ARID1B: variants seen among roughly 807,000 people sequenced by gnomAD.
The protein encoded by ARID1B is AT-rich interaction domain 1B, also known as AT-rich interactive domain-containing protein 1B.
A neutral mutation model predicts 212.3 loss-of-function variants in ARID1B; 30 were observed. The observed-to-expected ratio is 0.14, with a 90% confidence interval of 0.11 to 0.19. The LOEUF is 0.19. Ranked by LOEUF, ARID1B falls within the 10% of genes least tolerant of loss-of-function variation. The pLI, the probability that ARID1B is intolerant of heterozygous loss-of-function variation, is 1.00. For missense variants in ARID1B, 2,891 were observed against 3,204.0 expected, an observed-to-expected ratio of 0.90 and a Z score of 2.36; for synonymous variants, 1,402 against 1,301.7, an observed-to-expected ratio of 1.08 and a Z score of -1.66.
At chr6:157,007,743 T>TCC (rs1235960413) in intron 4 of ARID1B, among the ~76,000 whole-genome samples, 2 of 131,394 alleles carry the variant, frequency 1.5e-5, no homozygotes, top group African/African-American at 5.3e-5. Flanking sequence ...TTTTTTTTTT[T>TCC]CCCCAAGACA....
At chr6:157,060,279 A>G (rs776432376) in intron 4 of ARID1B, among the ~76,000 whole-genome samples, 26 of 152,350 alleles carry the variant, frequency 1.7e-4, no homozygotes, top group Non-Finnish European at 3.2e-4. Context: ...ATGGTAAAGC[A>G]GAGAGTGTTC....
intron 5 of ARID1B, among the ~76,000 whole-genome samples, chr6:157,096,499 C>T (rs1004146853): frequency 5.3e-5 from 8 of 152,226 alleles, no homozygotes; most frequent in African/African-American, 1.9e-4. Flanking sequence ...CACAAGTGTG[C>T]TTGCCGAATA....
Position 157,184,215 on chromosome 6 carries a change from C to G in ARID1B, c.3715-16C>G, listed in dbSNP as rs1471298151. Reference sequence around the variant, plus strand: ...ACTTTGTTGCAAACCAATGATCCTGCCGTGTTTTTCACTAGGTTAATAAAA... The same window carrying G: ...ACTTTGTTGCAAACCAATGATCCTGGCGTGTTTTTCACTAGGTTAATAAAA... On this transcript the variant is annotated splice_polypyrimidine_tract_variant and intron_variant, in intron 12 of 19. Transcript: ENST00000636930. 6.3e-7 allele frequency: 1 copy of G among 1,591,444 alleles called. No individual in the cohort carries two copies. Among genetic ancestry groups the G allele is most frequent in the Non-Finnish European group, 8.6e-7 (1 of 1,165,892 alleles).
chr6:156,874,153 C>G (rs1023120158), intron 2 of ARID1B, among the ~76,000 whole-genome samples: 1 of 152,194 alleles, frequency 6.6e-6, no homozygotes, highest in African/African-American at 2.4e-5. Context: ...CTCACTGCAG[C>G]CTCAACCTCC....
At chr6:156,942,893 G>T (rs557829260) in intron 4 of ARID1B, 2 of 152,316 alleles carry the variant, frequency 1.3e-5, no homozygotes, top group African/African-American at 4.8e-5. Context: ...TTTTCACTTC[G>T]CAGGTAACTC....
chr6:157,045,752 TTTTA>T (rs1162251381), intron 4 of ARID1B, among the ~76,000 whole-genome samples: 2 of 152,234 alleles, frequency 1.3e-5, no homozygotes, highest in Non-Finnish European at 2.9e-5. Context: ...TTTTAATCTT[TTTTA>T]TTTAATTAAA....
intron 15 of ARID1B, 23 bp from the exon 16 acceptor site, chr6:157,196,142 G>A (rs2128355749): frequency 6.2e-7 from 1 of 1,610,790 alleles, no homozygotes; most frequent in East Asian, 2.2e-5. Context: ...CTAAATGTAT[G>A]CATTTTATTT....
intron 1 of ARID1B, among the ~76,000 whole-genome samples, chr6:156,819,285 G>T (rs1235471628): frequency 6.6e-6 from 1 of 152,198 alleles, no homozygotes; most frequent in East Asian, 1.9e-4. Context: ...GTTAGAAAAT[G>T]TTAAAGCCAT....
chr6:157,125,252 C>T (rs1351398065), intron 6 of ARID1B, among the ~76,000 whole-genome samples: 2 of 152,156 alleles, frequency 1.3e-5, no homozygotes, highest in African/African-American at 2.4e-5. Flanking sequence ...AGATTTTCTT[C>T]TTAGAGGAGG....
chr6:156,934,913 TA>T (rs66723910), intron 3 of ARID1B, among the ~76,000 whole-genome samples: 15,379 of 30,540 alleles, frequency 0.5, 1,706 homozygotes, highest in East Asian at 0.61. Flanking sequence ...AGTTGTTAAT[TA>T]TATATATATA....
At chr6:157,014,477 A>G (rs1158057547) in intron 4 of ARID1B, among the ~76,000 whole-genome samples, 1 of 152,220 alleles carries the variant, frequency 6.6e-6, no homozygotes, top group African/African-American at 2.4e-5. Context: ...AAGGGGAGGT[A>G]TGCTATGAAT....
intron 6 of ARID1B, among the ~76,000 whole-genome samples, chr6:157,114,523 C>CAAAAAAAAAAAAAA (rs111845551): frequency 4.0e-5 from 2 of 50,412 alleles, no homozygotes; most frequent in African/African-American, 1.3e-4. Context: ...CACTCCGTCT[C>CAAAAAAAAAAAAAA]AAAAAAAAAA....
At chr6:157,066,652 G>A (rs1483648410) in intron 4 of ARID1B, among the ~76,000 whole-genome samples, 1 of 152,120 alleles carries the variant, frequency 6.6e-6, no homozygotes, top group Non-Finnish European at 1.5e-5. Context: ...TTAGGATACT[G>A]GGAGTGGTGT....
At position 156,778,577 on chromosome 6, in the gene ARID1B, C is replaced by A. The variant is rs1216034857; in HGVS notation, c.897C>A (p.Ala299=). The A allele has an allele frequency of 2.6e-5, 32 of 1,249,868 alleles. No homozygotes were observed. Among genetic ancestry groups the A allele is most frequent in the Admixed American group, 4.3e-5 (1 of 23,186 alleles). The allele number at this position is 1,249,868 out of a possible 1,614,324, so 77.4% of individuals were successfully genotyped here. A position where few individuals can be genotyped will look rare whatever the true frequency, so the allele number is the denominator to read the frequency against. The change falls in exon 1 of 20, where the codon GCC becomes GCA. Residue 299 remains alanine, a synonymous_variant. Coordinates refer to ENST00000636930, the MANE Select transcript of ARID1B (RefSeq NM_001374828.1). ...GALGTQQPPV[A]VPGGGGGPAA... ...TGGGCACGCAGCAGCCGCCGGTCGC[C>A]GTGCCCGGGGGCGGCGGCGGCCCGG...
chr6:156,802,433 T>C (rs1335784383), intron 1 of ARID1B, among the ~76,000 whole-genome samples: 3 of 152,258 alleles, frequency 2.0e-5, no homozygotes, highest in African/African-American at 4.8e-5. Context: ...TTTAGTAGTT[T>C]GAATAATAAT....
intron 13 of ARID1B, among the ~76,000 whole-genome samples, chr6:157,187,375 C>T (rs561475856): frequency 1.3e-5 from 2 of 152,262 alleles, no homozygotes; most frequent in East Asian, 3.9e-4. Flanking sequence ...CAAAACCTGT[C>T]ATGGATCCAA....
rs1562348921 is a variant in ARID1B at position 157,203,849 on chromosome 6, T to C, written c.5264-17T>C. On this transcript the variant is annotated splice_polypyrimidine_tract_variant and intron_variant, in intron 18 of 19. Coordinates refer to ENST00000636930, the MANE Select transcript of ARID1B (RefSeq NM_001374828.1). The surrounding 1 kb of genome is among the most constrained non-coding windows in gnomAD (Gnocchi z 4.4). Reference sequence around the variant, plus strand: ...AGAGTCAACATTCATGATATCCTTGTTCTTCCCCATCTTCAGTTACTCCTG... The same window carrying C: ...AGAGTCAACATTCATGATATCCTTGCTCTTCCCCATCTTCAGTTACTCCTG... The C allele has an allele frequency of 6.2e-7, 1 of 1,613,972 alleles. No individual in the cohort carries two copies.
chr6:156,860,486 G>T (rs1029058038), intron 2 of ARID1B, among the ~76,000 whole-genome samples: 1 of 152,080 alleles, frequency 6.6e-6, no homozygotes, highest in Non-Finnish European at 1.5e-5. Context: ...CCATTAAATC[G>T]TGGGATTTAT....
At chr6:157,042,691 C>G (rs1054904852) in intron 4 of ARID1B, among the ~76,000 whole-genome samples, 2 of 147,672 alleles carry the variant, frequency 1.4e-5, no homozygotes, top group Non-Finnish European at 3.0e-5. Context: ...CAGAGTCTCA[C>G]TGTGTCACCC....
Sources: allele counts gnomAD v4.1 joint callset (sites outside exome capture counted in the v4.1 genomes callset), GRCh38; gene constraint gnomAD v4.1.1; non-coding constraint Gnocchi (gnomAD v3.1); transcripts MANE v1.5; gene names NCBI Gene and HGNC (gene_info 2026-07-23, HGNC 2026-07-21).